The following RANBP2 variants were observed in gnomAD, a reference collection of about 807,000 sequenced individuals.
RANBP2 encodes E3 SUMO-protein ligase RanBP2.
In RANBP2, 57 loss-of-function variants were observed where a neutral mutation model predicts 303.6. That is an observed-to-expected ratio of 0.19 (90% CI 0.15 to 0.23). The LOEUF (loss-of-function observed/expected upper bound fraction) is 0.23, where lower values mean the gene tolerates loss of function less well. RANBP2 is among the 10% of genes least tolerant of loss of function. RANBP2 has a pLI of 1.00. For missense variants in RANBP2, 3,138 were observed against 3,780.8 expected (o/e 0.83, Z 4.46); for synonymous variants, 1,167 against 1,301.5 (o/e 0.90, Z 2.23).
the RANBP2 span, chr2:108,894,590 G>A: frequency 6.6e-6 from 1 of 152,660 alleles, no homozygotes; most frequent in African/African-American, 2.4e-5. Context: ...CTACCCTGGG[G>A]TGTTTTCTAA....
At chr2:109,234,485 C>T in the RANBP2 span, among the ~76,000 whole-genome samples, 257 of 152,376 alleles carry the variant, frequency 1.7e-3, 1 homozygote, top group African/African-American at 6.0e-3. Flanking sequence ...CTAGAGAACA[C>T]ACATTCTTCT....
chr2:109,688,071 C>T, the RANBP2 span, among the ~76,000 whole-genome samples: 3 of 152,096 alleles, frequency 2.0e-5, no homozygotes, highest in Non-Finnish European at 2.9e-5. Context: ...AAATGACACC[C>T]CAGGGTCTTG....
chr2:109,131,488 T>C, the RANBP2 span, among the ~76,000 whole-genome samples: 2 of 152,242 alleles, frequency 1.3e-5, no homozygotes, highest in Non-Finnish European at 2.9e-5. Flanking sequence ...TCTTCTGTTC[T>C]GATAAATTAT....
chr2:108,943,371 T>C, the RANBP2 span, among the ~76,000 whole-genome samples: 1 of 152,234 alleles, frequency 6.6e-6, no homozygotes, highest in Non-Finnish European at 1.5e-5. Flanking sequence ...CTTTCATTTC[T>C]GGCTCACCTC....
chr2:109,415,079 G>C, the RANBP2 span, among the ~76,000 whole-genome samples: 1 of 152,198 alleles, frequency 6.6e-6, no homozygotes, highest in Non-Finnish European at 1.5e-5. Context: ...AGGAAGACGT[G>C]GCACTGCTTG....
the RANBP2 span, among the ~76,000 whole-genome samples, chr2:109,643,566 C>A: frequency 6.6e-6 from 1 of 151,820 alleles, no homozygotes; most frequent in Non-Finnish European, 1.5e-5. Context: ...TTCAGACCAG[C>A]CTGGCCAACG....
At chr2:109,129,539 C>T in the RANBP2 span, 22 of 1,496,580 alleles carry the variant, frequency 1.5e-5, no homozygotes, top group Non-Finnish European at 1.9e-5. Flanking sequence ...GGCGCCTCCC[C>T]CATGCTGCTC....
the RANBP2 span, among the ~76,000 whole-genome samples, chr2:109,103,876 C>A: frequency 6.6e-6 from 1 of 151,754 alleles, no homozygotes; most frequent in African/African-American, 2.4e-5. Flanking sequence ...TCACTGCAAG[C>A]TCTGCCTCCT....
the RANBP2 span, among the ~76,000 whole-genome samples, chr2:109,222,348 G>A: frequency 1.3e-5 from 2 of 152,178 alleles, no homozygotes; most frequent in Admixed American, 1.3e-4. Flanking sequence ...ATTTGAATAT[G>A]TCCCAACACA....
At chr2:109,441,980 T>C in the RANBP2 span, among the ~76,000 whole-genome samples, 33 of 149,990 alleles carry the variant, frequency 2.2e-4, no homozygotes, top group South Asian at 6.5e-3. Context: ...AAAGAATTAT[T>C]CAGAAATAGT....
the RANBP2 span, among the ~76,000 whole-genome samples, chr2:109,611,735 C>T: frequency 5.3e-5 from 8 of 152,142 alleles, no homozygotes; most frequent in African/African-American, 1.9e-4. Context: ...CCACTGCACT[C>T]TAGCCTGGGT....
At chr2:109,405,433 G>C in the RANBP2 span, among the ~76,000 whole-genome samples, 67 of 152,226 alleles carry the variant, frequency 4.4e-4, no homozygotes, top group African/African-American at 1.4e-3. Context: ...ACTGGCCCTT[G>C]GTTGCCTCTC....
the RANBP2 span, among the ~76,000 whole-genome samples, chr2:109,112,325 C>A: frequency 6.6e-6 from 1 of 152,068 alleles, no homozygotes; most frequent in Non-Finnish European, 1.5e-5. Flanking sequence ...GATTGCTATT[C>A]TAACTGGTGT....
the RANBP2 span, among the ~76,000 whole-genome samples, chr2:109,054,729 A>G: frequency 1.3e-5 from 2 of 150,466 alleles, no homozygotes; most frequent in Non-Finnish European, 2.9e-5. Context: ...TTGGCAAGCC[A>G]AGTTTGGACA....
rs557510073 is a variant in RANBP2, at chr2:108,725,831, G to A, written c.73-3301G>A. 3.5e-5 allele frequency among the ~76,000 whole-genome samples: 5 copies of A among 144,714 alleles called. No individual in the cohort carries two copies. The East Asian group carries it at 1.0e-3, about 30-fold the overall frequency. The allele number at this position is 144,714 out of a possible 152,430, so 94.9% of individuals were successfully genotyped here. On this transcript the variant is annotated intron_variant, in intron 1 of 28. Transcript: ENST00000283195. ...GATTGCTGTAGTTCTTTTTTTTTTT[G>A]AGACGGAGGCTTGCTCTGTCGCCAG...
chr2:109,290,438 A>C, the RANBP2 span, among the ~76,000 whole-genome samples: 1 of 152,188 alleles, frequency 6.6e-6, no homozygotes. Context: ...ACATATATGC[A>C]TGCACCAGAT....
chr2:109,294,232 T>C, the RANBP2 span, among the ~76,000 whole-genome samples: 1 of 152,066 alleles, frequency 6.6e-6, no homozygotes, highest in Non-Finnish European at 1.5e-5. Flanking sequence ...GCTGGAGACA[T>C]GGGGAGCTGC....
chr2:109,380,809 C>T, the RANBP2 span, among the ~76,000 whole-genome samples: 6 of 152,210 alleles, frequency 3.9e-5, no homozygotes, highest in African/African-American at 1.4e-4. Context: ...CATAGGCAGA[C>T]ATCAAACTTT....
the RANBP2 span, among the ~76,000 whole-genome samples, chr2:108,925,337 G>A: frequency 6.6e-6 from 1 of 152,262 alleles, no homozygotes; most frequent in African/African-American, 2.4e-5. Flanking sequence ...GCCCATCCTA[G>A]TTCACACCCC....
Sources: allele counts gnomAD v4.1 joint callset (sites outside exome capture counted in the v4.1 genomes callset), GRCh38; gene constraint gnomAD v4.1.1; transcripts MANE v1.5; gene names NCBI Gene and HGNC (gene_info 2026-07-23, HGNC 2026-07-21).